The following UGT1A6 variants were observed in gnomAD, a reference collection of about 807,000 sequenced individuals.
The protein encoded by UGT1A6 is UDP-glucuronosyltransferase 1A6.
A neutral mutation model predicts 44.4 loss-of-function variants in UGT1A6; 32 were observed. The ratio of observed to expected loss-of-function variants is 0.72; its 90% CI spans 0.54 to 0.97. UGT1A6 has a LOEUF of 0.97. Ranked by LOEUF, UGT1A6 falls within the 50% of genes least tolerant of loss-of-function variation. UGT1A6 has a pLI of 0.00. For synonymous variants in UGT1A6, 238 were observed against 248.5 expected (o/e 0.96, Z 0.40); for missense variants, 685 against 661.9 (o/e 1.03, Z -0.38).
intron 1 of UGT1A6, among the ~76,000 whole-genome samples, chr2:233,712,043 A>G (rs1015594398): frequency 2.6e-5 from 4 of 152,248 alleles, no homozygotes; most frequent in Non-Finnish European, 5.9e-5. Flanking sequence ...TTGACTTGGA[A>G]AAAAGCCTGA....
chr2:233,698,130 G>A (rs1470360029), intron 1 of UGT1A6, among the ~76,000 whole-genome samples: 1 of 152,166 alleles, frequency 6.6e-6, no homozygotes, highest in East Asian at 1.9e-4. Flanking sequence ...GACCTTGTTT[G>A]TGTCTCAACT....
intron 1 of UGT1A6, among the ~76,000 whole-genome samples, chr2:233,695,542 T>A (rs1238295207): frequency 3.9e-5 from 6 of 152,256 alleles, no homozygotes; most frequent in African/African-American, 1.4e-4. Context: ...TTTTCTTTTT[T>A]AAATTTTAAC....
intron 1 of UGT1A6, among the ~76,000 whole-genome samples, chr2:233,757,815 T>G (rs4399719): frequency 0.55 from 83,125 of 151,008 alleles, 25,001 homozygotes; most frequent in African/African-American, 0.81. Context: ...AAGGAGCTGG[T>G]AGTGTGTCTG....
intron 1 of UGT1A6, chr2:233,729,486 G>C: frequency 6.2e-7 from 1 of 1,614,202 alleles, no homozygotes; most frequent in Non-Finnish European, 8.5e-7. Context: ...TGAACAATAT[G>C]TCTTTGGTCT....
At chr2:233,743,069 T>G in intron 1 of UGT1A6, 1 of 339,242 alleles carries the variant, frequency 2.9e-6, no homozygotes, top group Non-Finnish European at 5.8e-6. Context: ...AGAACAGGTG[T>G]TGGCATGAAG....
intron 1 of UGT1A6, among the ~76,000 whole-genome samples, chr2:233,724,704 C>T (rs867669613): frequency 2.8e-5 from 4 of 144,994 alleles, no homozygotes; most frequent in Non-Finnish European, 6.0e-5. Flanking sequence ...AGACGCTCCT[C>T]GCTTTCCAGA....
chr2:233,767,370 A>G (rs1265140795), intron 2 of UGT1A6, among the ~76,000 whole-genome samples: 1 of 152,186 alleles, frequency 6.6e-6, no homozygotes, highest in Non-Finnish European at 1.5e-5. Context: ...CTATTAAACT[A>G]TGATCCACCA....
At chr2:233,728,043 T>A (rs116287140) in intron 1 of UGT1A6, among the ~76,000 whole-genome samples, 14 of 152,218 alleles carry the variant, frequency 9.2e-5, no homozygotes, top group African/African-American at 3.1e-4. Context: ...AGGATAAGCC[T>A]CATTGGGCTT....
chr2:233,745,803 A>G (rs11695484), intron 1 of UGT1A6, among the ~76,000 whole-genome samples: 45,405 of 150,528 alleles, frequency 0.3, 7,175 homozygotes, highest in South Asian at 0.39. Flanking sequence ...GGTCTATCCC[A>G]GAGTTTTGAG....
At chr2:233,733,112 C>A (rs1009344972) in intron 1 of UGT1A6, among the ~76,000 whole-genome samples, 13 of 152,124 alleles carry the variant, frequency 8.5e-5, no homozygotes, top group African/African-American at 2.9e-4. Flanking sequence ...CTCTGTTTGT[C>A]TGTTATTGGT....
At chr2:233,715,195 A>G (rs1327063054) in intron 1 of UGT1A6, among the ~76,000 whole-genome samples, 4 of 152,188 alleles carry the variant, frequency 2.6e-5, no homozygotes, top group South Asian at 2.1e-4. Context: ...CAATTTTTCT[A>G]TCTTTTAAAA....
At chr2:233,735,919 C>A (rs2078709385) in intron 1 of UGT1A6, among the ~76,000 whole-genome samples, 1 of 152,156 alleles carries the variant, frequency 6.6e-6, no homozygotes, top group South Asian at 2.1e-4. Context: ...GTAACCCGAC[C>A]TTTCTCTGTG....
intron 1 of UGT1A6, among the ~76,000 whole-genome samples, chr2:233,715,584 C>T (rs562671697): frequency 6.6e-6 from 1 of 151,992 alleles, no homozygotes; most frequent in Admixed American, 6.6e-5. Context: ...GCAGCCTGGG[C>T]AACATGCTGA....
At chr2:233,725,116 C>T (rs2077366977) in intron 1 of UGT1A6, among the ~76,000 whole-genome samples, 1 of 140,206 alleles carries the variant, frequency 7.1e-6, no homozygotes, top group Non-Finnish European at 1.5e-5. Flanking sequence ...AGGGAGGTTG[C>T]AGTGAGCCGA....
chr2:233,720,168 A>G (rs957295954), intron 1 of UGT1A6, among the ~76,000 whole-genome samples: 6 of 152,154 alleles, frequency 3.9e-5, no homozygotes, highest in Non-Finnish European at 7.3e-5. Context: ...AGTGTCAAAG[A>G]GGTTGACTCA....
chr2:233,743,705 G>C (rs756391897), intron 1 of UGT1A6: 3 of 1,367,306 alleles, frequency 2.2e-6, no homozygotes, highest in South Asian at 1.1e-5. Flanking sequence ...CTCCGCCCCC[G>C]CCTCGCCATA....
At chr2:233,737,362 C>G (rs1215274347) in intron 1 of UGT1A6, among the ~76,000 whole-genome samples, 2 of 152,208 alleles carry the variant, frequency 1.3e-5, no homozygotes, top group East Asian at 3.9e-4. Context: ...AGCTGCTAAG[C>G]CAGGCAGGGG....
intron 1 of UGT1A6, among the ~76,000 whole-genome samples, chr2:233,735,302 G>A (rs1400766071): frequency 6.6e-6 from 1 of 151,808 alleles, no homozygotes; most frequent in Non-Finnish European, 1.5e-5. Flanking sequence ...TTTTGTTAAA[G>A]TCTGTTTTAT....
intron 1 of UGT1A6, among the ~76,000 whole-genome samples, chr2:233,745,709 C>T (rs1276912783): frequency 6.8e-6 from 1 of 146,654 alleles, no homozygotes; most frequent in Non-Finnish European, 1.5e-5. Context: ...ACAAGTGATC[C>T]AGAATGGCTG....
Sources: allele counts gnomAD v4.1 joint callset (sites outside exome capture counted in the v4.1 genomes callset), GRCh38; gene constraint gnomAD v4.1.1; transcripts MANE v1.5; gene names NCBI Gene and HGNC (gene_info 2026-07-23, HGNC 2026-07-21).